CYP4F2: variants seen among roughly 807,000 people sequenced by gnomAD.
CYP4F2 encodes cytochrome P450 4F2.
A neutral mutation model predicts 58.9 loss-of-function variants in CYP4F2; 58 were observed. That is an observed-to-expected ratio of 0.98 (90% CI 0.80 to 1.23). The LOEUF (loss-of-function observed/expected upper bound fraction) is 1.23, where lower values mean the gene tolerates loss of function less well. CYP4F2 is among the 50% of genes most tolerant of loss of function. The pLI, the probability that CYP4F2 is intolerant of heterozygous loss-of-function variation, is 0.00. For synonymous variants in CYP4F2, 287 were observed against 261.1 expected, an observed-to-expected ratio of 1.10 and a Z score of -0.95; for missense variants, 616 against 685.6, an observed-to-expected ratio of 0.90 and a Z score of 1.13.
intron 7 of CYP4F2, among the ~76,000 whole-genome samples, chr19:15,888,417 C>T (rs1466673877): frequency 3.3e-5 from 5 of 151,638 alleles, no homozygotes; most frequent in Non-Finnish European, 5.9e-5. Context: ...TACACATAAA[C>T]ATAGACATAG....
At position 15,879,827 on chromosome 19, in the gene CYP4F2, G is replaced by A; in HGVS notation, c.1186C>T (p.Pro396Ser). 2.5e-6 allele frequency: 4 copies of A among 1,614,120 alleles called. No individual in the cohort carries two copies. The highest frequency in any genetic ancestry group is 2.2e-5 in the East Asian group (1 of 44,866). ...TGGGTGACATGGCGGGAGATGACCG[G>A]GACTGGGGGATGCAGCCGCAGGCTC... ...KESLRLHPPV[P>S]VISRHVTQDI... The change falls in exon 10 of 13, where the codon CCG (proline) becomes TCG (serine). Residue 396 changes from proline to serine, a missense_variant. Pro to Ser is a moderately conservative substitution (Grantham distance 74). Coordinates refer to ENST00000221700, the MANE Select transcript of CYP4F2 (RefSeq NM_001082.5).
At chr19:15,897,332 T>G in intron 2 of CYP4F2, 82 bp downstream of exon 2, 62 of 543,308 alleles carry the variant, frequency 1.1e-4, no homozygotes, top group Non-Finnish European at 1.8e-4. Flanking sequence ...AGCCCACCCC[T>G]TCACCCCCAC....
intron 9 of CYP4F2, 150 bp from the exon 10 acceptor site, chr19:15,880,047 T>G (rs1163001843): frequency 1.3e-6 from 2 of 1,526,542 alleles, no homozygotes; most frequent in Non-Finnish European, 1.8e-6. Flanking sequence ...AAAAATAGTG[T>G]GGCACTGTGG....
At position 15,893,962 on chromosome 19, in the gene CYP4F2, C is replaced by G. The variant is rs568396077; in HGVS notation, c.344-1380G>C. 11 of 227,718 alleles carry G rather than the reference C, an allele frequency of 4.8e-5. No individual in the cohort carries two copies. The East Asian group carries it at 6.4e-4, about 13-fold the overall frequency. The allele number at this position is 227,718 out of a possible 1,614,324, so 14.1% of individuals were successfully genotyped here. A position where few individuals can be genotyped will look rare whatever the true frequency, so the allele number is the denominator to read the frequency against. The stretch of plus-strand genomic sequence containing the variant: ...GATCTGCAGGGAAGAGGTCGAAGCC[C>G]TCTCCCTGAGAATTTCAAGCAGCAT... On this transcript the variant is annotated intron_variant, in intron 3 of 12. Transcript: ENST00000221700.
chr19:15,888,754 C>G (rs1215703860), intron 7 of CYP4F2, among the ~76,000 whole-genome samples: 10 of 152,064 alleles, frequency 6.6e-5, no homozygotes, highest in Non-Finnish European at 1.3e-4. Flanking sequence ...AGCACAGGCA[C>G]AGACAAAGAT....
intron 7 of CYP4F2, among the ~76,000 whole-genome samples, chr19:15,888,557 AAC>A (rs1211033210): frequency 6.6e-6 from 1 of 152,158 alleles, no homozygotes; most frequent in African/African-American, 2.4e-5. Context: ...CAGACTTAGA[AAC>A]ACAGACACAC....
chr19:15,879,609 G>T lies in CYP4F2; in HGVS notation c.1309C>A (p.Pro437Thr). The change falls in exon 11 of 13, where the codon CCT becomes ACT. Residue 437 changes from proline to threonine, a missense_variant. Transcript: ENST00000221700. ...THHNPAVWPDPEVYDPFRFDP... is the reference protein window; with the variant it reads ...THHNPAVWPDTEVYDPFRFDP... Reference sequence around the variant, plus strand: ...CAGAGAGAGGGGCCCCGCACCTCAGGGTCCGGCCACACAGCTGGGTTGTGA... The same window carrying T: ...CAGAGAGAGGGGCCCCGCACCTCAGTGTCCGGCCACACAGCTGGGTTGTGA... 6.2e-7 allele frequency: 1 copy of T among 1,614,116 alleles called. No individual in the cohort carries two copies. The highest frequency in any genetic ancestry group is 8.5e-7 in the Non-Finnish European group (1 of 1,180,012).
chr19:15,880,638 A>G (rs529606926), intron 9 of CYP4F2, among the ~76,000 whole-genome samples: 6 of 152,170 alleles, frequency 3.9e-5, no homozygotes, highest in African/African-American at 1.4e-4. Context: ...AAAAAAAATC[A>G]ATTTTAATAC....
chr19:15,879,894 G>T lies in CYP4F2; in HGVS notation c.1119C>A (p.Asp373Glu). The T allele has an allele frequency of 1.9e-6, 3 of 1,614,090 alleles. No individual in the cohort carries two copies. Among genetic ancestry groups the T allele is most frequent in the Non-Finnish European group, 2.5e-6 (3 of 1,180,014 alleles). ...TCAGGAAGGGCAAATGGGCCAGGTC[G>T]TCCCTAAGGAAACACCCCAGCCCCA... ...KDREPKEIEW[D>E]DLAHLPFLTM... The change falls in exon 10 of 13, where the codon GAC (aspartate) becomes GAA (glutamate). Residue 373 changes from aspartate to glutamate, a missense_variant. Asp to Glu is a conservative substitution (Grantham distance 45). Coordinates refer to ENST00000221700, the MANE Select transcript of CYP4F2 (RefSeq NM_001082.5).
intron 10 of CYP4F2, 22 bp downstream of exon 10, chr19:15,879,742 C>A: frequency 6.2e-7 from 1 of 1,613,894 alleles, no homozygotes; most frequent in Non-Finnish European, 8.5e-7. Flanking sequence ...CAGGAGACTC[C>A]TCCCCGTGAG....
At position 15,889,177 on chromosome 19, in the gene CYP4F2, G is replaced by A. The variant is rs370953245; in HGVS notation, c.918+246C>T. ...TAGATGTAGATGTATGGAGTTAAAT[G>A]TGGACAATTAACTCATTAGTTTGTA... On this transcript the variant is annotated intron_variant, in intron 7 of 12. Transcript: ENST00000221700. 5.3e-5 allele frequency among the ~76,000 whole-genome samples: 8 copies of A among 152,338 alleles called. No individual in the cohort carries two copies. The East Asian group carries it at 1.3e-3, about 26-fold the overall frequency.
rs571754062 is a variant in CYP4F2 at position 15,878,784 on chromosome 19, T to C, written c.1550A>G (p.Glu517Gly). Residue 517 changes from glutamate (E) to glycine (G), a missense_variant, in exon 13 of 13, where the codon GAG becomes GGG. Physicochemically the swap from Glu to Gly is moderately conservative, Grantham distance 98 (BLOSUM62 -2). Coordinates refer to ENST00000221700, the MANE Select transcript of CYP4F2 (RefSeq NM_001082.5). ...RAEGGLWLRV[E>G]PLS is the part of the protein sequence containing the mutation. ...TCTCTGCAGAACTCAGCTCAGGGGC[T>C]CCACCCGCAGCCAAAGTCCGCCCTC... is the stretch of plus-strand genomic sequence containing the variant. The C allele has an allele frequency of 6.2e-7, 1 of 1,613,488 alleles. No homozygotes were observed. Among genetic ancestry groups the C allele is most frequent in the African/African-American group, 1.3e-5 (1 of 75,052 alleles).
intron 12 of CYP4F2, 139 bp from the exon 13 acceptor site, chr19:15,879,075 C>T (rs2089325582): frequency 7.2e-7 from 1 of 1,381,268 alleles, no homozygotes; most frequent in Non-Finnish European, 9.7e-7. Flanking sequence ...TGCCTGGATC[C>T]CCATGCGGGC....
At chr19:15,886,205 C>A in intron 8 of CYP4F2, 37 bp downstream of exon 8, 1 of 1,613,598 alleles carries the variant, frequency 6.2e-7, no homozygotes, top group Non-Finnish European at 8.5e-7. Flanking sequence ...AGGGAGAGAT[C>A]CCGGTCCCCT....
At chr19:15,897,120 C>T (rs563858214) in intron 2 of CYP4F2, among the ~76,000 whole-genome samples, 14 of 152,112 alleles carry the variant, frequency 9.2e-5, no homozygotes, top group South Asian at 2.1e-4. Flanking sequence ...GCCAGGGACT[C>T]GCCTCTCTGT....
intron 9 of CYP4F2, 39 bp downstream of exon 9, chr19:15,885,885 A>G: frequency 6.3e-7 from 1 of 1,596,494 alleles, no homozygotes; most frequent in Non-Finnish European, 8.5e-7. Context: ...AGAGCCAATG[A>G]GAAGGTCTCA....
intron 7 of CYP4F2, 198 bp from the exon 8 acceptor site, chr19:15,886,506 C>T (rs77780562): frequency 0.046 from 27,843 of 599,762 alleles, 906 homozygotes; most frequent in Non-Finnish European, 0.057. Flanking sequence ...TCTCTGGCTT[C>T]CTTGCCTCCT....
intron 9 of CYP4F2, 148 bp from the exon 10 acceptor site, chr19:15,880,045 T>C: frequency 2.6e-6 from 4 of 1,525,986 alleles, no homozygotes; most frequent in South Asian, 2.6e-5. Context: ...ATAAAAATAG[T>C]GTGGCACTGT....
intron 9 of CYP4F2, among the ~76,000 whole-genome samples, chr19:15,881,891 A>G (rs899335709): frequency 1.3e-5 from 2 of 152,182 alleles, no homozygotes; most frequent in Admixed American, 6.5e-5. Context: ...AGCTAGGCTC[A>G]GAAACACAAA....
Sources: gnomAD v4.1 joint callset for allele counts (sites outside exome capture counted in the v4.1 genomes callset) on GRCh38, gnomAD v4.1.1 for gene constraint, MANE v1.5 for transcripts, NCBI Gene and HGNC (gene_info 2026-07-23, HGNC 2026-07-21) for gene names.